The following ADAMTS9 variants were observed in gnomAD, a reference collection of about 807,000 sequenced individuals.
ADAMTS9 encodes A disintegrin and metalloproteinase with thrombospondin motifs 9.
A neutral mutation model predicts 257.1 loss-of-function variants in ADAMTS9; 107 were observed. The observed-to-expected ratio is 0.42, with a 90% CI of 0.36 to 0.49. The LOEUF (loss-of-function observed/expected upper bound fraction) is 0.49, where lower values mean the gene tolerates loss of function less well. Ranked by LOEUF, ADAMTS9 falls within the 20% of genes least tolerant of loss-of-function variation. ADAMTS9 has a pLI of 0.03. For synonymous variants in ADAMTS9, 982 were observed against 880.9 expected (o/e 1.11, Z -2.03); for missense variants, 2,353 against 2,469.1 (o/e 0.95, Z 1.00).
At chr3:64,604,488 T>C (rs544226028) in intron 23 of ADAMTS9, among the ~76,000 whole-genome samples, 157 bp from the exon 24 acceptor site, 2 of 152,358 alleles carry the variant, frequency 1.3e-5, no homozygotes, top group East Asian at 1.9e-4. Context: ...TCAGTCCCAA[T>C]GTCTTCAACT....
Position 64,622,589 on chromosome 3 carries a change from G to A in ADAMTS9, c.2390-3C>T. ...TTCACCTTTACTGCTTGATAAAGCT[G>A]TAGGTGAAGAAACAGAATAATACAT... is the stretch of plus-strand genomic sequence containing the variant. On this transcript the variant is annotated splice_polypyrimidine_tract_variant and splice_region_variant and intron_variant, in intron 16 of 39. Transcript: ENST00000498707. The A allele has an allele frequency of 6.2e-7, 1 of 1,613,702 alleles. No individual in the cohort carries two copies. Among genetic ancestry groups the A allele is most frequent in the African/African-American group, 1.3e-5 (1 of 75,028 alleles).
intron 28 of ADAMTS9, chr3:64,582,973 C>T (rs895506528): frequency 5.9e-5 from 9 of 152,202 alleles, no homozygotes; most frequent in Non-Finnish European, 8.8e-5. Context: ...TATTCATATT[C>T]TATCACTGAT....
intron 29 of ADAMTS9, chr3:64,565,647 A>G (rs1235194597): frequency 6.6e-6 from 1 of 152,224 alleles, no homozygotes; most frequent in Non-Finnish European, 1.5e-5. Context: ...AGGATAAGTT[A>G]AAAAAGTTTT....
At chr3:64,592,604 C>T (rs1477563538) in intron 28 of ADAMTS9, 1 of 152,034 alleles carries the variant, frequency 6.6e-6, no homozygotes, top group Non-Finnish European at 1.5e-5. Context: ...GTTTTTCCCC[C>T]TGTTTTCCCA....
At chr3:64,575,166 A>G (rs760720136) in intron 28 of ADAMTS9, among the ~76,000 whole-genome samples, 3 of 152,316 alleles carry the variant, frequency 2.0e-5, no homozygotes, top group Non-Finnish European at 4.4e-5. Context: ...TTACACGGTC[A>G]AGAAGGGAAG....
intron 16 of ADAMTS9, among the ~76,000 whole-genome samples, chr3:64,623,856 T>C (rs1386350201): frequency 6.6e-6 from 1 of 152,120 alleles, no homozygotes; most frequent in African/African-American, 2.4e-5. Flanking sequence ...AGTAAATATG[T>C]ATCTTCGGGG....
chr3:64,664,273 T>A (rs4401354), intron 3 of ADAMTS9, among the ~76,000 whole-genome samples: 88,170 of 151,972 alleles, frequency 0.58, 25,861 homozygotes, highest in Non-Finnish European at 0.63. Context: ...ATTTTTAATA[T>A]TAGTTTGGTA....
At chr3:64,631,594 C>T (rs1700368903) in intron 15 of ADAMTS9, 44 bp from the exon 16 acceptor site, 3 of 1,502,660 alleles carry the variant, frequency 2.0e-6, no homozygotes, top group Non-Finnish European at 2.8e-6. Flanking sequence ...CAGAATGGTT[C>T]ACTTTCTCTA....
Position 64,620,601 on chromosome 3 carries a change from A to G in ADAMTS9, c.2813+513T>C, listed in dbSNP as rs1316001858. On this transcript the variant is annotated intron_variant, in intron 19 of 39. Coordinates refer to ENST00000498707, the MANE Select transcript of ADAMTS9 (RefSeq NM_182920.2). ...TGCCTCGGATTTTACACTTTTCTTA[A>G]ACACAGAATTGTTTGAATATCTCAG... 2.0e-5 allele frequency among the ~76,000 whole-genome samples: 3 copies of G among 152,284 alleles called. No individual in the cohort carries two copies. In the East Asian group the frequency reaches 5.8e-4, roughly 29 times the overall value.
chr3:64,631,740 A>G (rs1700372125), intron 15 of ADAMTS9, 68 bp downstream of exon 15: 2 of 1,401,874 alleles, frequency 1.4e-6, no homozygotes, highest in African/African-American at 1.4e-5. Context: ...TTTGCATATT[A>G]CATGTGGTTA....
At chr3:64,577,292 C>T (rs142625190) in intron 28 of ADAMTS9, among the ~76,000 whole-genome samples, 160 of 152,216 alleles carry the variant, frequency 1.1e-3, no homozygotes, top group African/African-American at 3.5e-3. Flanking sequence ...GCTCTATTAG[C>T]CTGTTGATTC....
At chr3:64,685,548 G>T (rs1412561291) in intron 2 of ADAMTS9, among the ~76,000 whole-genome samples, 1 of 152,216 alleles carries the variant, frequency 6.6e-6, no homozygotes, top group Non-Finnish European at 1.5e-5. Flanking sequence ...CCTTGCTCGG[G>T]CCAGAACCGT....
intron 10 of ADAMTS9, among the ~76,000 whole-genome samples, chr3:64,648,548 C>A (rs1206748153): frequency 6.6e-6 from 1 of 152,160 alleles, no homozygotes; most frequent in Non-Finnish European, 1.5e-5. Context: ...TTTCAGGGCA[C>A]AATTTTAAAA....
chr3:64,600,051 C>CTTTTTTTTTT (rs35753372), intron 26 of ADAMTS9, among the ~76,000 whole-genome samples: 1 of 104,188 alleles, frequency 9.6e-6, no homozygotes, highest in Non-Finnish European at 1.9e-5. Flanking sequence ...AGTTTCTGTT[C>CTTTTTTTTTT]TTTTTTTTTT....
chr3:64,588,376 C>T (rs2084199206), intron 28 of ADAMTS9: 1 of 151,966 alleles, frequency 6.6e-6, no homozygotes, highest in Non-Finnish European at 1.5e-5. Flanking sequence ...TGGAACAGTC[C>T]CTGGCCTACA....
chr3:64,682,983 T>C (rs573084604), intron 2 of ADAMTS9, among the ~76,000 whole-genome samples: 1 of 152,356 alleles, frequency 6.6e-6, no homozygotes, highest in South Asian at 2.1e-4. Flanking sequence ...TTTTTGTTTT[T>C]TGTTTTAAAA....
chr3:64,674,839 G>A lies in ADAMTS9; in HGVS notation c.679+6362C>T, dbSNP rs571632962. 7.9e-5 allele frequency among the ~76,000 whole-genome samples: 12 copies of A among 152,238 alleles called. No individual in the cohort carries two copies. In the East Asian group the frequency reaches 2.3e-3, roughly 29 times the overall value. On this transcript the variant is annotated intron_variant, in intron 3 of 39. Coordinates refer to ENST00000498707, the MANE Select transcript of ADAMTS9 (RefSeq NM_182920.2). ...CTCTCACTCCATTTGGGTACCACTC[G>A]AAGGGCAGCTAATCTAATCAGCTAA... is the stretch of plus-strand genomic sequence containing the variant.
In ADAMTS9 at chr3:64,604,251, C is replaced by G. The variant is rs754796003; in HGVS notation, c.3555G>C (p.Gln1185His). The stretch of plus-strand genomic sequence containing the variant: ...CTGGGGTCCAAGACCCAAATCGCCA[C>G]TGGGTTCTTGGTGCACTGTATGTGC... ...RRSTYSAPRT[Q>H]WRFGSWTPCS... The change falls in exon 24 of 40, where the codon CAG becomes CAC. Residue 1185 changes from glutamine (Q) to histidine (H), a missense_variant. Gln to His is a conservative substitution (Grantham distance 24). Coordinates refer to ENST00000498707, the MANE Select transcript of ADAMTS9 (RefSeq NM_182920.2). 2 of 1,613,580 alleles carry G rather than the reference C, an allele frequency of 1.2e-6. No homozygotes were observed. The highest frequency in any genetic ancestry group is 1.7e-6 in the Non-Finnish European group (2 of 1,179,804).
chr3:64,589,726 G>A (rs2084224300), intron 28 of ADAMTS9: 2 of 152,170 alleles, frequency 1.3e-5, no homozygotes, highest in South Asian at 2.1e-4. Flanking sequence ...GGAGGCTCAG[G>A]AGGAGGATGA....
Sources: allele counts gnomAD v4.1 joint callset (sites outside exome capture counted in the v4.1 genomes callset), GRCh38; gene constraint gnomAD v4.1.1; transcripts MANE v1.5; gene names NCBI Gene and HGNC (gene_info 2026-07-23, HGNC 2026-07-21).